The following NLK variants were observed in gnomAD, a reference collection of about 807,000 sequenced individuals.
NLK encodes the protein serine/threonine-protein kinase NLK.
A neutral mutation model predicts 59.0 loss-of-function variants in NLK; 11 were observed. The observed-to-expected ratio is 0.19, with a 90% CI of 0.12 to 0.31. The LOEUF (loss-of-function observed/expected upper bound fraction) is 0.31. Ranked by LOEUF, NLK falls within the 10% of genes least tolerant of loss-of-function variation. The pLI, the probability that NLK is intolerant of heterozygous loss-of-function variation, is 1.00. For synonymous variants in NLK, 235 were observed against 235.9 expected (o/e 1.00, Z 0.03); for missense variants, 410 against 661.1 (o/e 0.62, Z 4.16).
intron 3 of NLK, among the ~76,000 whole-genome samples, chr17:28,151,335 G>A (rs970939510): frequency 2.0e-5 from 3 of 152,132 alleles, no homozygotes; most frequent in Non-Finnish European, 4.4e-5. Context: ...TTTTGAAGCT[G>A]TATTGTTAGA....
chr17:28,111,446 A>G (rs1327360642), intron 1 of NLK, among the ~76,000 whole-genome samples: 2 of 151,862 alleles, frequency 1.3e-5, no homozygotes, highest in Non-Finnish European at 2.9e-5. Flanking sequence ...AAGTGCTGGG[A>G]TTACAGGCAT....
intron 2 of NLK, among the ~76,000 whole-genome samples, chr17:28,130,101 G>A (rs1906456675): frequency 6.6e-6 from 1 of 152,050 alleles, no homozygotes; most frequent in South Asian, 2.1e-4. Flanking sequence ...TGTGGTATTT[G>A]AGGATACTTC....
rs140704955 is a variant in NLK at position 28,120,162 on chromosome 17, C to T, written c.459-2441C>T. On this transcript the variant is annotated intron_variant, in intron 1 of 10. Coordinates refer to ENST00000407008, the MANE Select transcript of NLK (RefSeq NM_016231.5). ...GTACTTCTAACTAATAGTCTGAATA[C>T]AGCAATATATCAATGTCCCCTCCTA... Among the ~76,000 whole-genome samples the T allele has an allele frequency of 3.3e-4, 50 of 151,952 alleles. 1 individual carries two copies. The highest frequency in any genetic ancestry group is 6.0e-4 in the Non-Finnish European group (41 of 67,988).
At chr17:28,133,591 T>G (rs1007880522) in intron 3 of NLK, among the ~76,000 whole-genome samples, 2 of 152,170 alleles carry the variant, frequency 1.3e-5, no homozygotes, top group African/African-American at 4.8e-5. Context: ...AATTGAGACA[T>G]AAGTTAACCT....
intron 1 of NLK, among the ~76,000 whole-genome samples, chr17:28,087,266 A>G (rs1214362459): frequency 6.6e-6 from 1 of 152,200 alleles, no homozygotes; most frequent in Non-Finnish European, 1.5e-5. Flanking sequence ...TAACTTTTAT[A>G]TAGGCTGTCT....
At chr17:28,197,580 G>T (rs966884440), downstream of NLK, among the ~76,000 whole-genome samples, 1 of 151,914 alleles carries the variant, frequency 6.6e-6, no homozygotes, top group East Asian at 1.9e-4. Flanking sequence ...TTTGTTCCTT[G>T]TTGCTTTATT....
chr17:28,179,147 CA>C (rs1367656759), intron 7 of NLK, among the ~76,000 whole-genome samples: 1 of 152,166 alleles, frequency 6.6e-6, no homozygotes, highest in Non-Finnish European at 1.5e-5. Context: ...GCAGAACAAA[CA>C]GAAAATGGAG....
intron 1 of NLK, among the ~76,000 whole-genome samples, chr17:28,104,601 G>C (rs1905013789): frequency 6.6e-6 from 1 of 151,978 alleles, no homozygotes; most frequent in Non-Finnish European, 1.5e-5. Context: ...AATTCAGATA[G>C]ACTTTTTTGG....
At chr17:28,091,367 T>C (rs895987953) in intron 1 of NLK, among the ~76,000 whole-genome samples, 34 of 152,212 alleles carry the variant, frequency 2.2e-4, no homozygotes, top group African/African-American at 7.9e-4. Context: ...GCATTATGTC[T>C]TAATAAAATG....
At chr17:28,188,060 G>T (rs1006091408) in intron 8 of NLK, among the ~76,000 whole-genome samples, 1 of 152,178 alleles carries the variant, frequency 6.6e-6, no homozygotes, top group Admixed American at 6.5e-5. Flanking sequence ...TAAATTAGCT[G>T]GGCGTGGTAG....
At chr17:28,190,845 A>G (rs1909280391) in intron 8 of NLK, 176 bp from the exon 9 acceptor site, 1 of 515,296 alleles carries the variant, frequency 1.9e-6, no homozygotes, top group Non-Finnish European at 3.4e-6. Flanking sequence ...CCTAAATCAT[A>G]CACTCCCTCT....
At chr17:28,086,322 TC>T (rs1910515158) in intron 1 of NLK, among the ~76,000 whole-genome samples, 1 of 152,162 alleles carries the variant, frequency 6.6e-6, no homozygotes, top group South Asian at 2.1e-4. Context: ...CCTTTTATGT[TC>T]CATGGGCTAG....
rs111766919 is a variant in NLK at position 28,104,209 on chromosome 17, T to C, written c.459-18394T>C. Among the ~76,000 whole-genome samples, 430 of 152,302 alleles carry C rather than the reference T, an allele frequency of 2.8e-3. 4 individuals are homozygous for C. Among genetic ancestry groups the C allele is most frequent in the African/African-American group, 9.6e-3 (398 of 41,566 alleles). On this transcript the variant is annotated intron_variant, in intron 1 of 10. Coordinates refer to ENST00000407008, the MANE Select transcript of NLK (RefSeq NM_016231.5). The stretch of plus-strand genomic sequence containing the variant: ...GCTATATATAAACAATCATTTTTGC[T>C]TTATCAAAGTGGGGCCTGGTCAGTG...
chr17:28,200,753 G>C (rs1239686575), downstream of NLK, among the ~76,000 whole-genome samples: 1 of 152,130 alleles, frequency 6.6e-6, no homozygotes, highest in Non-Finnish European at 1.5e-5. Flanking sequence ...CAAATTGTTG[G>C]GATTACAGGC....
intron 1 of NLK, among the ~76,000 whole-genome samples, chr17:28,088,002 G>A (rs1459857350): frequency 3.9e-5 from 6 of 152,182 alleles, no homozygotes; most frequent in African/African-American, 1.4e-4. Context: ...CTAGGGAGTG[G>A]TTCCCTCTCT....
At chr17:28,090,118 T>C (rs1904434485) in intron 1 of NLK, among the ~76,000 whole-genome samples, 1 of 152,208 alleles carries the variant, frequency 6.6e-6, no homozygotes. Context: ...TGTAACTGTT[T>C]GCTATATTAT....
At chr17:28,065,691 T>G (rs1909801520) in intron 1 of NLK, among the ~76,000 whole-genome samples, 1 of 152,208 alleles carries the variant, frequency 6.6e-6, no homozygotes, top group South Asian at 2.1e-4. Flanking sequence ...GGACCCAAAC[T>G]TTATTACAAA....
At chr17:28,068,073 G>A (rs1909892951) in intron 1 of NLK, among the ~76,000 whole-genome samples, 1 of 151,438 alleles carries the variant, frequency 6.6e-6, no homozygotes, top group Admixed American at 6.6e-5. Context: ...GCCGAGAGGT[G>A]GAGGTTGCAG....
Position 28,053,455 on chromosome 17 carries a change from C to T in NLK, c.458+10124C>T, listed in dbSNP as rs78292184. Among the ~76,000 whole-genome samples, 876 of 152,256 alleles carry T rather than the reference C, an allele frequency of 5.8e-3. 6 individuals are homozygous for T. Among genetic ancestry groups the T allele is most frequent in the Non-Finnish European group, 9.2e-3 (627 of 68,018 alleles). On this transcript the variant is annotated intron_variant, in intron 1 of 10. Transcript: ENST00000407008. The stretch of plus-strand genomic sequence containing the variant: ...CCTGATCGTTGCCATGTTTGCTTTC[C>T]TTCCCAGTTAGAGCAGATATCTCCT...
Sources: allele counts gnomAD v4.1 joint callset (sites outside exome capture counted in the v4.1 genomes callset), GRCh38; gene constraint gnomAD v4.1.1; transcripts MANE v1.5; gene names NCBI Gene and HGNC (gene_info 2026-07-23, HGNC 2026-07-21).